Variants in PLEKHO2 observed in about 807,000 individuals in gnomAD.
PLEKHO2 encodes pleckstrin homology domain containing O2, also known as pleckstrin homology domain-containing family O member 2.
In PLEKHO2, 20 loss-of-function variants were observed where a neutral mutation model predicts 32.7. The observed-to-expected ratio is 0.61, with a 90% CI of 0.43 to 0.89. PLEKHO2 has a LOEUF of 0.89. Ranked by LOEUF, PLEKHO2 falls within the 40% of genes least tolerant of loss-of-function variation. The pLI, the probability that PLEKHO2 is intolerant of heterozygous loss-of-function variation, is 0.00. For synonymous variants in PLEKHO2, 247 were observed against 246.3 expected (o/e 1.00, Z -0.03); for missense variants, 568 against 621.2 (o/e 0.91, Z 0.91).
intron 5 of PLEKHO2, among the ~76,000 whole-genome samples, chr15:64,863,103 A>C (rs975239875): frequency 1.3e-5 from 2 of 151,726 alleles, no homozygotes; most frequent in Admixed American, 6.6e-5. Flanking sequence ...ACCCCCGGCT[A>C]ATTTTTGTAT....
chr15:64,860,045 A>G, intron 4 of PLEKHO2, 47 bp downstream of exon 4: 5 of 1,546,086 alleles, frequency 3.2e-6, no homozygotes, highest in Non-Finnish European at 4.5e-6. Context: ...CTCCTTTCCC[A>G]CTGCGTGTGA....
chr15:64,860,338 G>A (rs748181700), intron 4 of PLEKHO2, among the ~76,000 whole-genome samples: 1 of 152,270 alleles, frequency 6.6e-6, no homozygotes, highest in African/African-American at 2.4e-5. Context: ...AGAGAGTGCT[G>A]CAGAGTGAGC....
chr15:64,846,591 A>G (rs989910726), intron 1 of PLEKHO2, among the ~76,000 whole-genome samples: 2 of 152,210 alleles, frequency 1.3e-5, no homozygotes, highest in African/African-American at 4.8e-5. Context: ...GATTACAGGC[A>G]TGACCCACCA....
chr15:64,864,948 C>T lies in PLEKHO2; in HGVS notation c.533C>T (p.Pro178Leu), dbSNP rs750023438. ...CTTCTGCGCCTGGATCTTGATGTTC[C>T]GGACAGTGGGCCACCAGTGTTTGCC... ...DGLLRLDLDV[P>L]DSGPPVFAPS... The change falls in exon 6 of 6, where the codon CCG (proline) becomes CTG (leucine). Residue 178 changes from proline (P) to leucine (L), a missense_variant. Pro to Leu is a moderately conservative substitution (Grantham distance 98). Transcript: ENST00000323544. 2.4e-5 allele frequency: 38 copies of T among 1,613,844 alleles called. No individual in the cohort carries two copies. The highest frequency in any genetic ancestry group is 4.5e-5 in the East Asian group (2 of 44,892).
rs965925343 is a variant in PLEKHO2, at chr15:64,843,316, G to A, written c.12+1288G>A. ...CGGTTCTCTCAGTGGGTGAAGGTAGGGGGCAAAGTCAGGCCTCTGTGATTT... is the reference window on the plus strand; with the variant it reads ...CGGTTCTCTCAGTGGGTGAAGGTAGAGGGCAAAGTCAGGCCTCTGTGATTT... On this transcript the variant is annotated intron_variant, in intron 1 of 5. Coordinates refer to ENST00000323544, the MANE Select transcript of PLEKHO2 (RefSeq NM_025201.5). Among the ~76,000 whole-genome samples, 5 of 152,322 alleles carry A rather than the reference G, an allele frequency of 3.3e-5. No homozygotes were observed. The East Asian group carries it at 9.7e-4, about 29-fold the overall frequency.
intron 1 of PLEKHO2, among the ~76,000 whole-genome samples, chr15:64,843,496 T>A (rs375169676): frequency 6.6e-6 from 1 of 152,186 alleles, no homozygotes; most frequent in African/African-American, 2.4e-5. Context: ...GGCCCCTGAT[T>A]AAGGGAAGTT....
At chr15:64,855,230 T>C (rs1331919792) in intron 3 of PLEKHO2, among the ~76,000 whole-genome samples, 193 bp downstream of exon 3, 1 of 152,290 alleles carries the variant, frequency 6.6e-6, no homozygotes, top group East Asian at 1.9e-4. Flanking sequence ...AGCCCCTAGT[T>C]GATAAGAGAT....
chr15:64,849,154 G>A (rs2140339327), intron 2 of PLEKHO2, among the ~76,000 whole-genome samples: 1 of 150,436 alleles, frequency 6.6e-6, no homozygotes, highest in African/African-American at 2.4e-5. Flanking sequence ...GCTATTTTTT[G>A]TTTTTGAGAA....
At chr15:64,845,116 G>T (rs527996129) in intron 1 of PLEKHO2, among the ~76,000 whole-genome samples, 1 of 152,226 alleles carries the variant, frequency 6.6e-6, no homozygotes, top group Admixed American at 6.5e-5. Flanking sequence ...CCTGGGATGT[G>T]AGGTGCCAAC....
In PLEKHO2 at chr15:64,865,591, G is replaced by C; in HGVS notation, c.1176G>C (p.Gly392=). The C allele has an allele frequency of 6.2e-7, 1 of 1,614,214 alleles. No individual in the cohort carries two copies. Among genetic ancestry groups the C allele is most frequent in the Non-Finnish European group, 8.5e-7 (1 of 1,180,026 alleles). Residue 392 remains glycine, a synonymous_variant, in exon 6 of 6, where the codon GGG becomes GGC. Coordinates refer to ENST00000323544, the MANE Select transcript of PLEKHO2 (RefSeq NM_025201.5). The part of the protein sequence containing the change: ...PQFHPRCSSL[G]DLLGEGPRHP... ...TCCATCCCCGCTGCTCCTCCCTTGG[G>C]GACTTGCTTGGGGAAGGCCCGCGGC...
At position 64,866,162 on chromosome 15, in the gene PLEKHO2, G is replaced by A. The variant is rs993277195; in HGVS notation, c.*274G>A. ...TGGGAGCACACACGCTGGGACCTAT[G>A]TGTTTGTGTGGTCGTTCCAAACTGC... is the stretch of plus-strand genomic sequence containing the variant. On this transcript the variant is annotated 3_prime_UTR_variant, in exon 6 of 6. Transcript: ENST00000323544. 4.4e-5 allele frequency: 24 copies of A among 549,516 alleles called. No individual in the cohort carries two copies. Among genetic ancestry groups the A allele is most frequent in the Non-Finnish European group, 7.3e-5 (22 of 302,100 alleles). 34.0% of individuals were successfully genotyped at this position (549,516 alleles called of 1,614,324 possible).
At chr15:64,843,790 G>A (rs919469563) in intron 1 of PLEKHO2, among the ~76,000 whole-genome samples, 3 of 152,016 alleles carry the variant, frequency 2.0e-5, no homozygotes, top group African/African-American at 4.8e-5. Context: ...ATGTTGGTCA[G>A]GCTGGTCTCG....
chr15:64,860,137 A>G (rs1047517964), intron 4 of PLEKHO2, 139 bp downstream of exon 4: 166 of 708,588 alleles, frequency 2.3e-4, no homozygotes, highest in Non-Finnish European at 3.8e-4. Context: ...GTTACCTTCT[A>G]TAGTCCTCAC....
intron 5 of PLEKHO2, among the ~76,000 whole-genome samples, chr15:64,864,251 C>T (rs1184095858): frequency 6.6e-6 from 1 of 152,214 alleles, no homozygotes; most frequent in East Asian, 1.9e-4. Context: ...CCTTCTGGTG[C>T]AGCTGTTCTC....
intron 1 of PLEKHO2, among the ~76,000 whole-genome samples, chr15:64,848,188 G>A (rs2084537026): frequency 6.6e-6 from 1 of 152,206 alleles, no homozygotes; most frequent in Non-Finnish European, 1.5e-5. Context: ...GCAGAATGGT[G>A]GAGTGGGAAA....
chr15:64,844,272 A>C (rs1522748), intron 1 of PLEKHO2, among the ~76,000 whole-genome samples: 2 of 152,066 alleles, frequency 1.3e-5, no homozygotes, highest in African/African-American at 4.8e-5. Flanking sequence ...TGCAACGGGC[A>C]GGCTGGTAGC....
At chr15:64,846,740 A>G (rs182511270) in intron 1 of PLEKHO2, among the ~76,000 whole-genome samples, 3 of 152,338 alleles carry the variant, frequency 2.0e-5, no homozygotes, top group East Asian at 3.9e-4. Flanking sequence ...GCCAGCAGCT[A>G]TAGACCAGAA....
intron 2 of PLEKHO2, among the ~76,000 whole-genome samples, chr15:64,850,672 A>G (rs574686450): frequency 6.6e-6 from 1 of 152,314 alleles, no homozygotes; most frequent in African/African-American, 2.4e-5. Flanking sequence ...TGTGCCTCGA[A>G]TAGCCCTCAC....
At chr15:64,854,479 C>T (rs181820443) in intron 2 of PLEKHO2, among the ~76,000 whole-genome samples, 1 of 152,342 alleles carries the variant, frequency 6.6e-6, no homozygotes, top group Admixed American at 6.5e-5. Context: ...TCACACTTCC[C>T]TCTGGCTCTT....
Sources: allele counts gnomAD v4.1 joint callset (sites outside exome capture counted in the v4.1 genomes callset), GRCh38; gene constraint gnomAD v4.1.1; transcripts MANE v1.5; gene names NCBI Gene and HGNC (gene_info 2026-07-23, HGNC 2026-07-21).